Variants in ANKS1B observed in about 807,000 individuals in gnomAD.
ANKS1B encodes the protein ankyrin repeat and sterile alpha motif domain containing 1B.
ANKS1B carries 36 observed loss-of-function variants against 148.3 expected under a neutral mutation model. The ratio of observed to expected loss-of-function variants is 0.24; its 90% CI spans 0.19 to 0.32. The LOEUF is 0.32. Ranked by LOEUF, ANKS1B falls within the 10% of genes least tolerant of loss-of-function variation. The pLI is 1.00. For synonymous variants in ANKS1B, 542 were observed against 560.8 expected (o/e 0.97, Z 0.47); for missense variants, 1,157 against 1,542.6 (o/e 0.75, Z 4.19).
At chr12:99,605,879 G>T (rs551641637) in intron 9 of ANKS1B, among the ~76,000 whole-genome samples, 1 of 152,074 alleles carries the variant, frequency 6.6e-6, no homozygotes, top group African/African-American at 2.4e-5. Flanking sequence ...TAATATGGTA[G>T]CTCTATTTTT....
intron 22 of ANKS1B, among the ~76,000 whole-genome samples, chr12:98,797,613 T>A (rs1330249620): frequency 6.6e-6 from 1 of 152,188 alleles, no homozygotes; most frequent in African/African-American, 2.4e-5. Context: ...ACTGACAATT[T>A]AAGTACTGTC....
intron 25 of ANKS1B, among the ~76,000 whole-genome samples, chr12:98,757,583 G>A (rs1439850659): frequency 2.0e-5 from 3 of 152,128 alleles, no homozygotes; most frequent in Non-Finnish European, 4.4e-5. Context: ...CTGTGGGGAA[G>A]CTCACTGATC....
intron 10 of ANKS1B, among the ~76,000 whole-genome samples, chr12:99,465,885 G>A (rs1026913042): frequency 1.1e-4 from 16 of 152,034 alleles, no homozygotes; most frequent in African/African-American, 1.9e-4. Context: ...ACAGATCAAC[G>A]AGACAGAAAG....
chr12:98,883,695 C>T (rs2152537097), intron 17 of ANKS1B, among the ~76,000 whole-genome samples: 1 of 152,248 alleles, frequency 6.6e-6, no homozygotes, highest in Admixed American at 6.5e-5. Flanking sequence ...GGAAGGTTGG[C>T]TTTACAAATT....
chr12:99,357,346 A>T (rs191272753), intron 12 of ANKS1B, among the ~76,000 whole-genome samples: 2 of 152,214 alleles, frequency 1.3e-5, no homozygotes, highest in Admixed American at 6.5e-5. Flanking sequence ...TTTAAATAAT[A>T]CACTTTGCAT....
intron 17 of ANKS1B, among the ~76,000 whole-genome samples, chr12:99,045,768 A>C (rs2099961933): frequency 6.6e-6 from 1 of 152,222 alleles, no homozygotes; most frequent in Admixed American, 6.5e-5. Context: ...TGAGAGATGG[A>C]AAACAAACAA....
chr12:99,637,727 C>A (rs1332247691), intron 9 of ANKS1B, among the ~76,000 whole-genome samples: 6 of 151,624 alleles, frequency 4.0e-5, no homozygotes, highest in Non-Finnish European at 7.4e-5. Flanking sequence ...TGCTCCTCAG[C>A]TTGCAGCCTA....
chr12:98,820,328 C>T (rs924813890), intron 19 of ANKS1B, among the ~76,000 whole-genome samples: 26 of 152,204 alleles, frequency 1.7e-4, no homozygotes, highest in African/African-American at 6.3e-4. Context: ...CCTTATAAAG[C>T]TGTACTAATC....
rs1428113155 is a variant in ANKS1B at position 98,855,153 on chromosome 12, G to A, written c.2779-23017C>T. 2.6e-4 allele frequency among the ~76,000 whole-genome samples: 36 copies of A among 139,266 alleles called. 2 individuals carry two copies. Among genetic ancestry groups the A allele is most frequent in the Admixed American group, 2.3e-3 (32 of 14,060 alleles). 91.4% of individuals were successfully genotyped at this position (139,266 alleles called of 152,430 possible). ...CGCAGTCCGACCTGGGCGACAGAGCGAGACTCCGTCTCAAAAAAAAAAAAA... is the reference window on the plus strand; with the variant it reads ...CGCAGTCCGACCTGGGCGACAGAGCAAGACTCCGTCTCAAAAAAAAAAAAA... On this transcript the variant is annotated intron_variant, in intron 17 of 26. Coordinates refer to ENST00000683438, the MANE Select transcript of ANKS1B (RefSeq NM_001352186.2).
At chr12:99,637,477 G>A (rs527998448) in intron 9 of ANKS1B, among the ~76,000 whole-genome samples, 1 of 152,142 alleles carries the variant, frequency 6.6e-6, no homozygotes, top group African/African-American at 2.4e-5. Context: ...GTCTGTGAGG[G>A]TGTTGCCAAA....
At chr12:99,608,648 A>T (rs974492405) in intron 9 of ANKS1B, among the ~76,000 whole-genome samples, 9 of 152,138 alleles carry the variant, frequency 5.9e-5, no homozygotes, top group African/African-American at 1.9e-4. Context: ...GCCAAAGAGA[A>T]CAGAGGTCCA....
chr12:99,685,663 A>G (rs1399235540), intron 8 of ANKS1B, among the ~76,000 whole-genome samples: 1 of 152,204 alleles, frequency 6.6e-6, no homozygotes, highest in East Asian at 1.9e-4. Flanking sequence ...GCAATTGCAA[A>G]AATATGGAAC....
At chr12:99,267,026 A>G (rs917844585) in intron 12 of ANKS1B, among the ~76,000 whole-genome samples, 3 of 152,208 alleles carry the variant, frequency 2.0e-5, no homozygotes, top group Admixed American at 2.0e-4. Context: ...TTTAAGTATC[A>G]TAAGAGTATT....
At chr12:99,474,165 A>G (rs1338487595) in intron 10 of ANKS1B, among the ~76,000 whole-genome samples, 1 of 152,058 alleles carries the variant, frequency 6.6e-6, no homozygotes. Context: ...ATTAATCCAT[A>G]TATACTGTTC....
intron 9 of ANKS1B, among the ~76,000 whole-genome samples, chr12:99,598,430 A>G (rs2097774748): frequency 6.6e-6 from 1 of 152,092 alleles, no homozygotes; most frequent in Non-Finnish European, 1.5e-5. Context: ...ACAAAACTAC[A>G]AGATAGATAC....
chr12:99,281,234 T>C (rs1376126980), intron 12 of ANKS1B, among the ~76,000 whole-genome samples: 2 of 152,226 alleles, frequency 1.3e-5, no homozygotes, highest in Admixed American at 6.5e-5. Flanking sequence ...AGTATGCGGT[T>C]TATGTATTAT....
intron 9 of ANKS1B, among the ~76,000 whole-genome samples, chr12:99,533,725 C>A (rs1358086788): frequency 6.6e-6 from 1 of 152,126 alleles, no homozygotes; most frequent in East Asian, 1.9e-4. Context: ...TAGATTCTAC[C>A]CTCCCAGTGA....
chr12:99,236,619 G>C (rs2088001146), intron 14 of ANKS1B, among the ~76,000 whole-genome samples: 1 of 152,156 alleles, frequency 6.6e-6, no homozygotes, highest in Non-Finnish European at 1.5e-5. Flanking sequence ...AGATTTGGGT[G>C]GGAACACAGC....
At chr12:99,573,911 T>C (rs1420972177) in intron 9 of ANKS1B, among the ~76,000 whole-genome samples, 4 of 152,074 alleles carry the variant, frequency 2.6e-5, no homozygotes, top group Non-Finnish European at 4.4e-5. Context: ...AAAAAAATTT[T>C]TTTTAATTTC....
Sources: gnomAD v4.1 joint callset for allele counts (sites outside exome capture counted in the v4.1 genomes callset) on GRCh38, gnomAD v4.1.1 for gene constraint, MANE v1.5 for transcripts, NCBI Gene and HGNC (gene_info 2026-07-23, HGNC 2026-07-21) for gene names.